DEPDC5: variants seen among roughly 807,000 people sequenced by gnomAD.
DEPDC5 encodes GATOR1 complex protein DEPDC5.
In DEPDC5, 73 loss-of-function variants were observed where a neutral mutation model predicts 217.3. The observed-to-expected ratio is 0.34, with a 90% confidence interval of 0.28 to 0.41. DEPDC5 has a LOEUF of 0.41. DEPDC5 is among the 10% of genes least tolerant of loss of function. DEPDC5 has a pLI of 1.00. For synonymous variants in DEPDC5, 733 were observed against 756.7 expected (o/e 0.97, Z 0.51); for missense variants, 1,675 against 2,070.1 (o/e 0.81, Z 3.70).
At chr22:31,880,007 G>T (rs886478778) in intron 38 of DEPDC5, 14 of 477,344 alleles carry the variant, frequency 2.9e-5, no homozygotes, top group African/African-American at 2.5e-4. Flanking sequence ...TGTTCGGATA[G>T]GAGAGAAGAA....
chr22:31,820,569 C>G (rs963816250), intron 22 of DEPDC5, among the ~76,000 whole-genome samples: 45 of 152,108 alleles, frequency 3.0e-4, no homozygotes, highest in Non-Finnish European at 1.5e-4. Flanking sequence ...AAACCCCGTT[C>G]TGCCCCCTTA....
intron 24 of DEPDC5, among the ~76,000 whole-genome samples, chr22:31,824,873 G>A (rs560628138): frequency 6.6e-6 from 1 of 152,042 alleles, no homozygotes; most frequent in Non-Finnish European, 1.5e-5. Flanking sequence ...CTACTTGGGA[G>A]GCTGAGGCAG....
intron 41 of DEPDC5, among the ~76,000 whole-genome samples, chr22:31,902,561 CTG>C: frequency 6.6e-6 from 1 of 152,032 alleles, no homozygotes; most frequent in African/African-American, 2.4e-5. Context: ...TTAGCAAAGA[CTG>C]TGGAATGAAG....
intron 1 of DEPDC5, 122 bp from the exon 2 acceptor site, chr22:31,754,740 G>A: frequency 4.7e-6 from 3 of 637,296 alleles, no homozygotes; most frequent in South Asian, 3.9e-5. Flanking sequence ...GACTTCTTCC[G>A]AGAGTCACTT....
rs371945103 is a variant in DEPDC5, at chr22:31,792,791, G to A, written c.741G>A (p.Lys247=). The A allele has an allele frequency of 1.9e-6, 3 of 1,544,218 alleles. No individual in the cohort carries two copies. The African/African-American group carries it at 4.3e-5, about 22-fold the overall frequency. The change falls in exon 12 of 43, where the codon AAG becomes AAA. Residue 247 remains lysine, a synonymous_variant. Coordinates refer to ENST00000651528, the MANE Select transcript of DEPDC5 (RefSeq NM_001242896.3). ...INRASIRQDH[K]GRFYEDFYKV... ...GAGCCTCAATTCGACAGGATCACAA[G>A]GGGAGATTCTATGAAGACTTTTACA...
chr22:31,772,378 G>T (rs2083440865), intron 7 of DEPDC5, among the ~76,000 whole-genome samples: 2 of 152,238 alleles, frequency 1.3e-5, no homozygotes, highest in South Asian at 4.1e-4. Context: ...CTACTGGATG[G>T]GTATCCAGGG....
chr22:31,849,306 G>A (rs2091904873), intron 31 of DEPDC5, among the ~76,000 whole-genome samples: 1 of 152,098 alleles, frequency 6.6e-6, no homozygotes, highest in South Asian at 2.1e-4. Flanking sequence ...TACTAATAAA[G>A]ACATACCAGA....
chr22:31,821,739 T>G lies in DEPDC5; in HGVS notation c.2006+102T>G, dbSNP rs967126615. The G allele has an allele frequency of 4.0e-6, 6 of 1,513,904 alleles. No individual in the cohort carries two copies. The South Asian group carries it at 6.3e-5, about 16-fold the overall frequency. 93.8% of individuals were successfully genotyped at this position (1,513,904 alleles called of 1,614,324 possible). ...ATTGACAAAATGTTGTTTAGAAGAC[T>G]TGAAAAGACAGTATGAGGTCAGGGC... is the stretch of plus-strand genomic sequence containing the variant. On this transcript the variant is annotated intron_variant, in intron 23 of 42. Transcript: ENST00000651528.
At position 31,845,106 on chromosome 22, in the gene DEPDC5, G is replaced by A. The variant is rs780008727; in HGVS notation, c.2890G>A (p.Ala964Thr). 8.1e-6 allele frequency: 13 copies of A among 1,614,004 alleles called. No homozygotes were observed. The East Asian group carries it at 2.5e-4, about 30-fold the overall frequency. ...CACCAAGCGCATCACGGAGGGGGAG[G>A]CCCACTGCGACATCTATGGGGACAG... ...TATKRITEGE[A>T]HCDIYGDRPR... Residue 964 changes from alanine to threonine, a missense_variant, in exon 30 of 43, where the codon GCC (alanine) becomes ACC (threonine). Around this residue, in one of 11 missense-constraint regions of DEPDC5, gnomAD observed 293 missense variants for 386.1 expected, o/e 0.76. Transcript: ENST00000651528.
chr22:31,856,926 C>T lies in DEPDC5; in HGVS notation c.3156-519C>T, dbSNP rs147711514. On this transcript the variant is annotated intron_variant, in intron 31 of 42. Transcript: ENST00000651528. The stretch of plus-strand genomic sequence containing the variant: ...CTGCGACTGTAGGCGTGCACTGCCA[C>T]ACCGGGCTAATTTTTTGTATTTTTA... 3.8e-4 allele frequency among the ~76,000 whole-genome samples: 58 copies of T among 152,180 alleles called. 1 individual carries two copies. Among genetic ancestry groups the T allele is most frequent in the African/African-American group, 1.3e-3 (53 of 41,516 alleles).
chr22:31,839,524 C>T (rs2091263124), intron 27 of DEPDC5, among the ~76,000 whole-genome samples: 2 of 151,914 alleles, frequency 1.3e-5, no homozygotes, highest in Non-Finnish European at 2.9e-5. Context: ...CAAGACCCCC[C>T]CTCCCCTGAT....
intron 24 of DEPDC5, among the ~76,000 whole-genome samples, chr22:31,831,941 G>GTA (rs2090630524): frequency 6.6e-6 from 1 of 152,160 alleles, no homozygotes; most frequent in Non-Finnish European, 1.5e-5. Context: ...GTCCGTCCAT[G>GTA]TGTTCTCTGG....
chr22:31,895,662 C>T (rs2093537206), intron 39 of DEPDC5, among the ~76,000 whole-genome samples: 1 of 151,650 alleles, frequency 6.6e-6, no homozygotes, highest in Admixed American at 6.6e-5. Context: ...AGGAGATAAG[C>T]AAAGAGAAAT....
At chr22:31,896,116 A>G (rs1210363384) in intron 39 of DEPDC5, among the ~76,000 whole-genome samples, 1 of 152,102 alleles carries the variant, frequency 6.6e-6, no homozygotes, top group Non-Finnish European at 1.5e-5. Context: ...GAATTTAGCA[A>G]CTGTCTCTGT....
chr22:31,902,438 T>TATATATATATA (rs1569244499), intron 41 of DEPDC5, among the ~76,000 whole-genome samples: 3 of 85,460 alleles, frequency 3.5e-5, no homozygotes, highest in African/African-American at 4.3e-5. Flanking sequence ...ATATATATAC[T>TATATATATATA]TATATATACT....
At chr22:31,830,128 C>G (rs1315306267) in intron 24 of DEPDC5, among the ~76,000 whole-genome samples, 2 of 152,216 alleles carry the variant, frequency 1.3e-5, no homozygotes, top group Non-Finnish European at 2.9e-5. Flanking sequence ...AGTGCTGCCT[C>G]TGTAGCCCAG....
At chr22:31,795,172 G>C (rs2086104188) in intron 12 of DEPDC5, among the ~76,000 whole-genome samples, 1 of 145,560 alleles carries the variant, frequency 6.9e-6, no homozygotes. Context: ...CCTAGTACAA[G>C]CAATTCCCTG....
intron 38 of DEPDC5, among the ~76,000 whole-genome samples, chr22:31,887,214 T>C (rs1171104722): frequency 6.6e-6 from 1 of 151,746 alleles, no homozygotes; most frequent in Admixed American, 6.6e-5. Flanking sequence ...AGGTCAGGAT[T>C]TCGAGACCAG....
rs1409815203 is a variant in DEPDC5, at chr22:31,783,990, T to C, written c.562+5T>C. ...TGTGGGATTTTGATATTTATGGTACTGTGTCTATGTGCTGATTGTAACTGC... is the reference window on the plus strand; with the variant it reads ...TGTGGGATTTTGATATTTATGGTACCGTGTCTATGTGCTGATTGTAACTGC... On this transcript the variant is annotated splice_donor_5th_base_variant and intron_variant, in intron 9 of 42. Transcript: ENST00000651528. 2.5e-6 allele frequency: 4 copies of C among 1,612,022 alleles called. No individual in the cohort carries two copies. Among genetic ancestry groups the C allele is most frequent in the South Asian group, 1.1e-5 (1 of 90,096 alleles).
Sources: allele counts gnomAD v4.1 joint callset (sites outside exome capture counted in the v4.1 genomes callset), GRCh38; gene constraint gnomAD v4.1.1; regional missense constraint gnomAD v4.1.1; transcripts MANE v1.5; gene names NCBI Gene and HGNC (gene_info 2026-07-23, HGNC 2026-07-21).